PRKN: variants seen among roughly 807,000 people sequenced by gnomAD.
PRKN encodes E3 ubiquitin-protein ligase parkin.
In PRKN, 56 loss-of-function variants were observed where a neutral mutation model predicts 59.5. The ratio of observed to expected loss-of-function variants is 0.94; its 90% CI spans 0.76 to 1.18. PRKN has a LOEUF of 1.18. Among genes scored for constraint, PRKN ranks in the 50% most tolerant of loss-of-function variants. PRKN has a pLI of 0.00. For missense variants in PRKN, 657 were observed against 596.4 expected (o/e 1.10, Z -1.06); for synonymous variants, 250 against 222.1 (o/e 1.13, Z -1.12).
intron 7 of PRKN, among the ~76,000 whole-genome samples, chr6:161,680,744 TATATATATATATATATA>T (rs1785293386): frequency 1.2e-4 from 1 of 8,256 alleles, no homozygotes; most frequent in African/African-American, 3.3e-4. Flanking sequence ...TATATATATA[TATATATATATATATATA>T]TATATATATA....
At chr6:161,491,885 G>C (rs1377506045) in intron 9 of PRKN, among the ~76,000 whole-genome samples, 1 of 152,162 alleles carries the variant, frequency 6.6e-6, no homozygotes, top group African/African-American at 2.4e-5. Context: ...ACCCATCTCG[G>C]CCTCCCAAAA....
At chr6:161,676,438 T>A (rs1180878825) in intron 7 of PRKN, among the ~76,000 whole-genome samples, 1 of 152,186 alleles carries the variant, frequency 6.6e-6, no homozygotes, top group Non-Finnish European at 1.5e-5. Context: ...CTAAGAATGG[T>A]TTTTACTTTT....
intron 7 of PRKN, among the ~76,000 whole-genome samples, chr6:161,580,622 G>A (rs1045491375): frequency 4.0e-5 from 6 of 151,130 alleles, no homozygotes; most frequent in South Asian, 4.2e-4. Flanking sequence ...GACTACAGGC[G>A]CCCTCCACCA....
intron 4 of PRKN, among the ~76,000 whole-genome samples, chr6:162,198,540 G>T (rs1784589869): frequency 6.6e-6 from 1 of 151,872 alleles, no homozygotes; most frequent in Non-Finnish European, 1.5e-5. Context: ...AAATATTTAT[G>T]TTCTGGCTAC....
At chr6:162,156,353 A>T (rs1396698175) in intron 4 of PRKN, among the ~76,000 whole-genome samples, 2 of 152,186 alleles carry the variant, frequency 1.3e-5, no homozygotes, top group African/African-American at 4.8e-5. Context: ...CACAAGGTGA[A>T]ATCCCACAAT....
At chr6:162,289,490 A>C (rs1327848623) in intron 2 of PRKN, among the ~76,000 whole-genome samples, 1 of 151,936 alleles carries the variant, frequency 6.6e-6, no homozygotes, top group African/African-American at 2.4e-5. Flanking sequence ...ACTTGAGCTC[A>C]GCAGTTCGAG....
intron 4 of PRKN, among the ~76,000 whole-genome samples, chr6:162,191,062 A>G (rs1784257735): frequency 6.6e-6 from 1 of 152,234 alleles, no homozygotes. Context: ...TAGTACAGGC[A>G]AAGTGATACA....
At chr6:161,835,493 A>C (rs1321882574) in intron 6 of PRKN, among the ~76,000 whole-genome samples, 1 of 152,194 alleles carries the variant, frequency 6.6e-6, no homozygotes, top group East Asian at 1.9e-4. Context: ...GCTAAACCAA[A>C]ATAAACAATC....
chr6:161,647,456 A>G (rs553283807), intron 7 of PRKN, among the ~76,000 whole-genome samples: 9 of 152,334 alleles, frequency 5.9e-5, no homozygotes, highest in African/African-American at 2.2e-4. Context: ...ATTTAAAAAC[A>G]GAGCATAGTA....
Position 161,502,151 on chromosome 6 carries a change from A to G in PRKN, c.1083+46703T>C, listed in dbSNP as rs1371904479. ...TCTGAAATGCATTATCCTGATCATC[A>G]TTGTTGCTAATCATGTCCATTTTGG... On this transcript the variant is annotated intron_variant, in intron 9 of 11. Transcript: ENST00000366898. The surrounding 1 kb of genome is among the most constrained non-coding windows in gnomAD (Gnocchi z 4.0). Among the ~76,000 whole-genome samples the G allele has an allele frequency of 6.6e-6, 1 of 152,114 alleles. No homozygotes were observed. The highest frequency in any genetic ancestry group is 1.5e-5 in the Non-Finnish European group (1 of 68,028).
At chr6:161,621,572 G>A (rs1452400887) in intron 7 of PRKN, among the ~76,000 whole-genome samples, 2 of 152,016 alleles carry the variant, frequency 1.3e-5, no homozygotes, top group Admixed American at 6.6e-5. Context: ...CCACATTAAG[G>A]GCTGATCTTC....
At chr6:161,951,202 C>T (rs1405295861) in intron 6 of PRKN, among the ~76,000 whole-genome samples, 1 of 151,950 alleles carries the variant, frequency 6.6e-6, no homozygotes, top group African/African-American at 2.4e-5. Context: ...AATTAAAATA[C>T]GAAACAGTAT....
chr6:161,716,783 G>A (rs1028758398), intron 7 of PRKN, among the ~76,000 whole-genome samples: 2 of 152,200 alleles, frequency 1.3e-5, no homozygotes, highest in African/African-American at 4.8e-5. Flanking sequence ...AGCGTGGGAG[G>A]TGAAGTGGCC....
intron 7 of PRKN, among the ~76,000 whole-genome samples, chr6:161,742,206 G>A (rs943783151): frequency 4.6e-5 from 7 of 152,086 alleles, no homozygotes; most frequent in Non-Finnish European, 4.4e-5. Flanking sequence ...CTGACCTCAG[G>A]TGATTCACCC....
intron 1 of PRKN, among the ~76,000 whole-genome samples, chr6:162,660,489 A>C (rs1584000165): frequency 6.6e-6 from 1 of 152,170 alleles, no homozygotes; most frequent in Non-Finnish European, 1.5e-5. Flanking sequence ...CAAAATAAAA[A>C]ACACACACTA....
chr6:162,178,667 T>TA (rs1783647519), intron 4 of PRKN, among the ~76,000 whole-genome samples: 1 of 152,336 alleles, frequency 6.6e-6, no homozygotes, highest in Admixed American at 6.5e-5. Context: ...CTGAAGGACT[T>TA]ACATCATCCT....
chr6:162,174,599 T>A (rs1783448661), intron 4 of PRKN, among the ~76,000 whole-genome samples: 1 of 152,240 alleles, frequency 6.6e-6, no homozygotes, highest in South Asian at 2.1e-4. Flanking sequence ...AGAATTTATA[T>A]AATCATTTAT....
At chr6:161,888,660 A>G (rs981362660) in intron 6 of PRKN, among the ~76,000 whole-genome samples, 1 of 152,152 alleles carries the variant, frequency 6.6e-6, no homozygotes, top group African/African-American at 2.4e-5. Context: ...GTCATTATCA[A>G]TAACTGCCCA....
At chr6:161,829,253 A>T (rs1792376298) in intron 6 of PRKN, among the ~76,000 whole-genome samples, 1 of 152,106 alleles carries the variant, frequency 6.6e-6, no homozygotes, top group Admixed American at 6.6e-5. Context: ...AACAAAAACA[A>T]AAAAAACAAT....
Sources: gnomAD v4.1 joint callset for allele counts (sites outside exome capture counted in the v4.1 genomes callset) on GRCh38, gnomAD v4.1.1 for gene constraint, Gnocchi (gnomAD v3.1) non-coding constraint, MANE v1.5 for transcripts, NCBI Gene and HGNC (gene_info 2026-07-23, HGNC 2026-07-21) for gene names.